Variants in SPAG16 observed in about 807,000 individuals in gnomAD.
The protein encoded by SPAG16 is sperm associated antigen 16.
Under a neutral mutation model 80.4 loss-of-function variants are expected in SPAG16, and 86 were observed. The observed-to-expected ratio is 1.07, with a 90% CI of 0.90 to 1.28. SPAG16 has a LOEUF of 1.28. Among genes scored for constraint, SPAG16 ranks in the 50% most tolerant of loss-of-function variants. SPAG16 has a pLI of 0.00. For missense variants in SPAG16, 870 were observed against 765.3 expected, an observed-to-expected ratio of 1.14 and a Z score of -1.61; for synonymous variants, 294 against 265.9, an observed-to-expected ratio of 1.11 and a Z score of -1.03.
At chr2:213,667,561 A>G (rs2063654562) in intron 10 of SPAG16, among the ~76,000 whole-genome samples, 2 of 152,216 alleles carry the variant, frequency 1.3e-5, no homozygotes, top group South Asian at 4.1e-4. Flanking sequence ...GATGCTGTAA[A>G]GAAGAAAGTG....
At chr2:213,835,043 G>A (rs1226575299) in intron 10 of SPAG16, among the ~76,000 whole-genome samples, 1 of 152,122 alleles carries the variant, frequency 6.6e-6, no homozygotes, top group African/African-American at 2.4e-5. Context: ...GTTACTGTTA[G>A]ATTTACAATA....
At position 214,149,747 on chromosome 2, in the gene SPAG16, G is replaced by A. The variant is rs570069011; in HGVS notation, c.1720+481G>A. 1.4e-4 allele frequency among the ~76,000 whole-genome samples: 22 copies of A among 152,082 alleles called. 1 individual carries two copies. The South Asian group carries it at 1.7e-3, about 11-fold the overall frequency. On this transcript the variant is annotated intron_variant, in intron 15 of 15. Transcript: ENST00000331683. ...ATTTGAGATAAACATTTATCTTATT[G>A]TTGCAATTATGTGCTGTGCATTCTA...
chr2:214,131,088 C>T (rs1182784326), intron 14 of SPAG16, among the ~76,000 whole-genome samples: 1 of 152,042 alleles, frequency 6.6e-6, no homozygotes, highest in Non-Finnish European at 1.5e-5. Context: ...TGCTAGGTGT[C>T]GTGGGAGATT....
intron 10 of SPAG16, among the ~76,000 whole-genome samples, chr2:213,640,672 G>C (rs537443317): frequency 6.6e-6 from 1 of 152,344 alleles, no homozygotes; most frequent in Non-Finnish European, 1.5e-5. Context: ...ATTTGAGGCT[G>C]TGAGAGTCCT....
intron 9 of SPAG16, among the ~76,000 whole-genome samples, chr2:213,434,990 TA>T (rs1347884884): frequency 6.6e-6 from 1 of 152,098 alleles, no homozygotes; most frequent in African/African-American, 2.4e-5. Flanking sequence ...AATTATCATA[TA>T]AAAAAGACAC....
chr2:214,026,988 G>T (rs552073493), intron 13 of SPAG16, among the ~76,000 whole-genome samples: 1 of 151,236 alleles, frequency 6.6e-6, no homozygotes, highest in Admixed American at 6.6e-5. Flanking sequence ...TTTTGACTTT[G>T]TATATCTAAA....
intron 15 of SPAG16, among the ~76,000 whole-genome samples, chr2:214,276,552 G>A (rs12621291): frequency 0.024 from 3,703 of 152,212 alleles, 140 homozygotes; most frequent in East Asian, 0.16. Flanking sequence ...CTTCACTTAC[G>A]ATGCTTAGTT....
intron 10 of SPAG16, among the ~76,000 whole-genome samples, chr2:213,822,598 C>A (rs2073012325): frequency 6.6e-6 from 1 of 152,076 alleles, no homozygotes; most frequent in Non-Finnish European, 1.5e-5. Context: ...CTTTAGACAT[C>A]TCTTTTTTCC....
chr2:214,106,680 T>C (rs979898663), intron 13 of SPAG16, among the ~76,000 whole-genome samples: 1 of 152,084 alleles, frequency 6.6e-6, no homozygotes, highest in African/African-American at 2.4e-5. Context: ...CTACCTTTGG[T>C]AGCTCATTTT....
chr2:213,390,742 T>A (rs1575460538), intron 9 of SPAG16, among the ~76,000 whole-genome samples: 1 of 152,304 alleles, frequency 6.6e-6, no homozygotes, highest in East Asian at 1.9e-4. Context: ...CTGAAGTTTT[T>A]AAAAAATAGC....
At chr2:213,983,207 A>T (rs1575728811) in intron 12 of SPAG16, among the ~76,000 whole-genome samples, 1 of 151,986 alleles carries the variant, frequency 6.6e-6, no homozygotes. Context: ...TATATGATTG[A>T]TAACATTATT....
chr2:213,373,392 C>G (rs1232273419), intron 8 of SPAG16, among the ~76,000 whole-genome samples: 1 of 151,888 alleles, frequency 6.6e-6, no homozygotes, highest in Non-Finnish European at 1.5e-5. Flanking sequence ...TCTGCCAGTA[C>G]CCTGTACATT....
At chr2:213,346,410 A>C (rs951794061) in intron 6 of SPAG16, among the ~76,000 whole-genome samples, 4 of 152,168 alleles carry the variant, frequency 2.6e-5, no homozygotes, top group Non-Finnish European at 5.9e-5. Context: ...CAGAACTTCC[A>C]ACACCGTGCT....
Position 213,835,505 on chromosome 2 carries a change from A to C in SPAG16, c.1071-26980A>C, listed in dbSNP as rs1347460980. Among the ~76,000 whole-genome samples, 4 of 152,292 alleles carry C rather than the reference A, an allele frequency of 2.6e-5. No homozygotes were observed. In the East Asian group the frequency reaches 7.7e-4, roughly 29 times the overall value. On this transcript the variant is annotated intron_variant, in intron 10 of 15. Transcript: ENST00000331683. ...TTATTGTGAACTTTATGCCCTGGTCACATTTCTCTAGAATCCATGCTAACA... is the reference window on the plus strand; with the variant it reads ...TTATTGTGAACTTTATGCCCTGGTCCCATTTCTCTAGAATCCATGCTAACA...
At chr2:213,893,347 G>A (rs879154520) in intron 11 of SPAG16, among the ~76,000 whole-genome samples, 5 of 151,970 alleles carry the variant, frequency 3.3e-5, no homozygotes, top group African/African-American at 1.2e-4. Flanking sequence ...AAAAAAATGT[G>A]AAGGAAACAA....
intron 15 of SPAG16, among the ~76,000 whole-genome samples, chr2:214,181,256 T>C (rs932239286): frequency 1.3e-5 from 2 of 151,770 alleles, no homozygotes; most frequent in African/African-American, 4.8e-5. Context: ...TTTCAATTTG[T>C]GTCCCTCTCT....
At chr2:213,830,287 A>G (rs2073556410) in intron 10 of SPAG16, among the ~76,000 whole-genome samples, 1 of 152,110 alleles carries the variant, frequency 6.6e-6, no homozygotes, top group Non-Finnish European at 1.5e-5. Context: ...TTCCAATGCA[A>G]AATCCCACCA....
At chr2:213,905,864 G>A (rs1037296711) in intron 11 of SPAG16, among the ~76,000 whole-genome samples, 3 of 152,172 alleles carry the variant, frequency 2.0e-5, no homozygotes, top group Non-Finnish European at 4.4e-5. Context: ...GGCAAGCCAT[G>A]GGAATATCCT....
At chr2:214,305,589 A>G (rs1467448509) in intron 15 of SPAG16, among the ~76,000 whole-genome samples, 1 of 152,180 alleles carries the variant, frequency 6.6e-6, no homozygotes, top group Admixed American at 6.5e-5. Context: ...TCTTCTGTAT[A>G]TGCCTCACCA....
Sources: allele counts gnomAD v4.1 joint callset (sites outside exome capture counted in the v4.1 genomes callset), GRCh38; gene constraint gnomAD v4.1.1; transcripts MANE v1.5; gene names NCBI Gene and HGNC (gene_info 2026-07-23, HGNC 2026-07-21).